Variants in COL22A1 observed in about 807,000 individuals in gnomAD.
COL22A1 encodes collagen alpha-1(XXII) chain.
A neutral mutation model predicts 248.9 loss-of-function variants in COL22A1; 221 were observed. That is an observed-to-expected ratio of 0.89 (90% confidence interval 0.80 to 0.99). The LOEUF is 0.99. Among genes scored for constraint, COL22A1 ranks in the 50% least tolerant of loss-of-function variants. The pLI is 0.00. For synonymous variants in COL22A1, 891 were observed against 793.4 expected (o/e 1.12, Z -2.07); for missense variants, 2,240 against 2,179.0 (o/e 1.03, Z -0.56).
chr8:138,771,633 A>T (rs1001769863), intron 16 of COL22A1, among the ~76,000 whole-genome samples: 1 of 151,536 alleles, frequency 6.6e-6, no homozygotes, highest in African/African-American at 2.5e-5. Flanking sequence ...TTTTGGCAAG[A>T]ACAAAACAGT....
At chr8:138,895,171 A>G (rs1041433083) in intron 1 of COL22A1, among the ~76,000 whole-genome samples, 1 of 152,176 alleles carries the variant, frequency 6.6e-6, no homozygotes, top group East Asian at 1.9e-4. Context: ...CCATCTTACT[A>G]TACCAAAATG....
At chr8:138,717,076 AT>A (rs1829497199) in intron 27 of COL22A1, among the ~76,000 whole-genome samples, 1 of 152,196 alleles carries the variant, frequency 6.6e-6, no homozygotes, top group African/African-American at 2.4e-5. Context: ...ACTTTCTCAT[AT>A]AGTCTTTTGC....
intron 36 of COL22A1, among the ~76,000 whole-genome samples, chr8:138,689,844 G>A (rs1826682717): frequency 6.6e-6 from 1 of 152,214 alleles, no homozygotes; most frequent in Non-Finnish European, 1.5e-5. Flanking sequence ...AGCGATGACA[G>A]CTGAGAACAA....
chr8:138,780,888 T>C (rs755838371), intron 13 of COL22A1, 39 bp downstream of exon 13: 2 of 1,560,514 alleles, frequency 1.3e-6, no homozygotes, highest in Non-Finnish European at 1.8e-6. Context: ...ACCAGCCTAG[T>C]ACTGCCTTGT....
At chr8:138,887,944 A>G (rs1161933088) in intron 1 of COL22A1, among the ~76,000 whole-genome samples, 2 of 152,160 alleles carry the variant, frequency 1.3e-5, no homozygotes, top group Admixed American at 1.3e-4. Flanking sequence ...CAGAAGAGGC[A>G]TTGTTGCTTG....
rs754731007 is a variant in COL22A1 at position 138,619,454 on chromosome 8, C to T, written c.3825+1G>A. 1.2e-6 allele frequency: 2 copies of T among 1,613,870 alleles called. No homozygotes were observed. The highest frequency in any genetic ancestry group is 4.5e-5 in the East Asian group (2 of 44,888). On this transcript the variant is annotated splice_donor_variant, in intron 53 of 64. Transcript: ENST00000303045. LOFTEE classifies it high-confidence loss of function. ...GTTCCCCACACACACTACACACTTA[C>T]AGGTGGGCCTCGGGCACCCTCTGGT...
chr8:138,862,802 G>C (rs1339038687), intron 3 of COL22A1, among the ~76,000 whole-genome samples: 4 of 149,124 alleles, frequency 2.7e-5, no homozygotes, highest in African/African-American at 7.5e-5. Context: ...AGAAACTTGA[G>C]TCAGAGAGCA....
intron 3 of COL22A1, among the ~76,000 whole-genome samples, chr8:138,860,946 C>T (rs1044825873): frequency 1.3e-5 from 2 of 152,154 alleles, no homozygotes; most frequent in African/African-American, 4.8e-5. Context: ...CTCCAGATAC[C>T]ACTCCTTCTG....
rs963804109 is a variant in COL22A1, at chr8:138,731,899, T to C, written c.2139+5625A>G. ...ACTGTTGAGTTTGGACCAATCTTCT[T>C]TGGCCTTCTGATAAATCAGTACCCT... is the stretch of plus-strand genomic sequence containing the variant. On this transcript the variant is annotated intron_variant, in intron 23 of 64. Coordinates refer to ENST00000303045, the MANE Select transcript of COL22A1 (RefSeq NM_152888.3). 3.9e-5 allele frequency among the ~76,000 whole-genome samples: 6 copies of C among 152,242 alleles called. No individual in the cohort carries two copies. The East Asian group carries it at 1.2e-3, about 29-fold the overall frequency.
intron 3 of COL22A1, among the ~76,000 whole-genome samples, chr8:138,854,799 GTGATGGTGATGATGATGGTGA>G (rs1289334111): frequency 1.3e-5 from 2 of 150,552 alleles, no homozygotes; most frequent in East Asian, 1.9e-4. Flanking sequence ...TGTGATGGTG[GTGATGGTGATGATGATGGTGA>G]TGATGGTGAC....
At chr8:138,857,955 T>C (rs1039033256) in intron 3 of COL22A1, among the ~76,000 whole-genome samples, 4 of 152,238 alleles carry the variant, frequency 2.6e-5, no homozygotes, top group African/African-American at 7.2e-5. Context: ...CCTCCGGTTA[T>C]AATTGGCTTT....
intron 30 of COL22A1, 152 bp from the exon 31 acceptor site, chr8:138,703,499 G>A: frequency 1.6e-6 from 1 of 633,210 alleles, no homozygotes; most frequent in Admixed American, 2.9e-5. Context: ...TACCTTGATA[G>A]ATACATACAT....
chr8:138,613,305 A>C (rs1272717402), intron 56 of COL22A1, among the ~76,000 whole-genome samples: 2 of 151,750 alleles, frequency 1.3e-5, no homozygotes, highest in Non-Finnish European at 2.9e-5. Flanking sequence ...AGCAGGGAGA[A>C]CACAATGTGA....
At chr8:138,708,785 A>C (rs1828699556) in intron 30 of COL22A1, among the ~76,000 whole-genome samples, 1 of 152,254 alleles carries the variant, frequency 6.6e-6, no homozygotes. Flanking sequence ...AAATTGACAA[A>C]TGGGATCTCA....
At chr8:138,692,262 G>GTA (rs1564201715) in intron 35 of COL22A1, among the ~76,000 whole-genome samples, 299 of 142,606 alleles carry the variant, frequency 2.1e-3, no homozygotes, top group Middle Eastern at 3.8e-3. Context: ...GTGTGCGTGT[G>GTA]TGCATGTTTG....
Position 138,898,220 on chromosome 8 carries a change from T to G in COL22A1, c.-72-14976A>C, listed in dbSNP as rs561805007. On this transcript the variant is annotated intron_variant, in intron 1 of 64. Transcript: ENST00000303045. ...AGTTAAAGAACAGAACTGCAGCCTC[T>G]GCTTCATCTGGGTGTACGTAATAAA... Among the ~76,000 whole-genome samples the G allele has an allele frequency of 3.9e-5, 6 of 152,316 alleles. No homozygotes were observed. The East Asian group carries it at 1.2e-3, about 29-fold the overall frequency.
At chr8:138,806,077 G>GGT (rs1563788290) in intron 10 of COL22A1, among the ~76,000 whole-genome samples, 9 of 81,768 alleles carry the variant, frequency 1.1e-4, no homozygotes, top group South Asian at 4.6e-4. Flanking sequence ...TGTGTGTGAT[G>GGT]GTGTGTGTAA....
chr8:138,866,094 G>A (rs999357970), intron 3 of COL22A1, among the ~76,000 whole-genome samples: 2 of 151,980 alleles, frequency 1.3e-5, no homozygotes, highest in Non-Finnish European at 2.9e-5. Context: ...TAATCAAAAG[G>A]ACAAAGACAG....
chr8:138,849,018 G>A (rs1314626580), intron 3 of COL22A1, among the ~76,000 whole-genome samples: 1 of 152,140 alleles, frequency 6.6e-6, no homozygotes. Flanking sequence ...GGCGGAGGAG[G>A]GAAGAGCTGA....
Sources: gnomAD v4.1 joint callset for allele counts (sites outside exome capture counted in the v4.1 genomes callset) on GRCh38, gnomAD v4.1.1 for gene constraint, MANE v1.5 for transcripts, NCBI Gene and HGNC (gene_info 2026-07-23, HGNC 2026-07-21) for gene names.